The following PRDM8 variants were observed in gnomAD, a reference collection of about 807,000 sequenced individuals.
The protein encoded by PRDM8 is PR/SET domain 8.
PRDM8 carries 13 observed loss-of-function variants against 46.5 expected under a neutral mutation model. That is an observed-to-expected ratio of 0.28 (90% CI 0.18 to 0.44). PRDM8 has a LOEUF of 0.44. Among genes scored for constraint, PRDM8 ranks in the 20% least tolerant of loss-of-function variants. The pLI is 1.00. For missense variants in PRDM8, 998 were observed against 955.0 expected, an observed-to-expected ratio of 1.04 and a Z score of -0.59; for synonymous variants, 473 against 438.4, an observed-to-expected ratio of 1.08 and a Z score of -0.98.
At chr4:80,191,098 AC>A (rs1196244092) in intron 1 of PRDM8, among the ~76,000 whole-genome samples, 2 of 152,180 alleles carry the variant, frequency 1.3e-5, no homozygotes, top group African/African-American at 4.8e-5. Flanking sequence ...TCTCAAAACC[AC>A]CCTACATGAA....
chr4:80,198,857 T>C (rs11099077), intron 1 of PRDM8, among the ~76,000 whole-genome samples: 41,472 of 151,954 alleles, frequency 0.27, 6,224 homozygotes, highest in East Asian at 0.62. Context: ...ACATAAATAA[T>C]TGCCAACAGT....
chr4:80,203,170 C>T lies in PRDM8; in HGVS notation c.1708C>T (p.Pro570Ser). ...CCTGCCGAGCGGCGGCGGCGGCCTG[C>T]CTAAGCAGAGCCCCTTCCTGTACGC... is the stretch of plus-strand genomic sequence containing the variant. ...GSLPSGGGGL[P>S]KQSPFLYATA... Residue 570 changes from proline (P) to serine (S), a missense_variant, in exon 4 of 4, where the codon CCT becomes TCT. Transcript: ENST00000415738. 6.5e-7 allele frequency: 1 copy of T among 1,547,060 alleles called. No homozygotes were observed. Among genetic ancestry groups the T allele is most frequent in the South Asian group, 1.2e-5 (1 of 85,020 alleles).
Position 80,202,258 on chromosome 4 carries a change from A to C in PRDM8, c.796A>C (p.Arg266=). 1.9e-6 allele frequency: 3 copies of C among 1,610,774 alleles called. No individual in the cohort carries two copies. The highest frequency in any genetic ancestry group is 2.5e-6 in the Non-Finnish European group (3 of 1,179,352). Residue 266 remains arginine (R), a synonymous_variant, in exon 4 of 4, where the codon AGG becomes CGG. Transcript: ENST00000415738. ...KPSTDFHNLA[R]ELENSRGGSS... ...ATCCACAGACTTCCACAACCTGGCCAGGGAGCTGGAAAACTCCCGGGGAGG... is the reference window on the plus strand; with the variant it reads ...ATCCACAGACTTCCACAACCTGGCCCGGGAGCTGGAAAACTCCCGGGGAGG...
chr4:80,203,593 A>C lies in PRDM8; in HGVS notation c.*61A>C. On this transcript the variant is annotated 3_prime_UTR_variant, in exon 4 of 4. Transcript: ENST00000415738. ...GCACAGTTAAGCCACCTGCAGGAAT[A>C]AACACGCGAGAACATCCACCGCTTC... is the stretch of plus-strand genomic sequence containing the variant. The C allele has an allele frequency of 1.3e-6, 2 of 1,513,254 alleles. No homozygotes were observed. Among genetic ancestry groups the C allele is most frequent in the Non-Finnish European group, 1.8e-6 (2 of 1,127,570 alleles). The allele number at this position is 1,513,254 out of a possible 1,614,324, so 93.7% of individuals were successfully genotyped here.
intron 2 of PRDM8, among the ~76,000 whole-genome samples, 192 bp downstream of exon 2, chr4:80,200,491 G>A (rs986906673): frequency 1.3e-5 from 2 of 152,148 alleles, no homozygotes; most frequent in African/African-American, 4.8e-5. Context: ...TGATTTTTTG[G>A]AATAAATGAC....
Position 80,197,613 on chromosome 4 carries a change from T to G in PRDM8, c.-153T>G. On this transcript the variant is annotated 5_prime_UTR_variant, in exon 1 of 4. Coordinates refer to ENST00000415738, the MANE Select transcript of PRDM8 (RefSeq NM_001099403.2). The stretch of plus-strand genomic sequence containing the variant: ...TTCTCCCCATCTCTCCATCTCTCTC[T>G]TATCTCTTCAGGAAGAGCCTAAAAG... The G allele has an allele frequency of 2.1e-6, 2 of 970,722 alleles. No homozygotes were observed. Among genetic ancestry groups the G allele is most frequent in the Non-Finnish European group, 2.4e-6 (2 of 820,632 alleles). The allele number at this position is 970,722 out of a possible 1,614,324, so 60.1% of individuals were successfully genotyped here. A position where few individuals can be genotyped will look rare whatever the true frequency, so the allele number is the denominator to read the frequency against.
At chr4:80,188,698 T>C (rs2109862820) in intron 1 of PRDM8, among the ~76,000 whole-genome samples, 1 of 152,284 alleles carries the variant, frequency 6.6e-6, no homozygotes, top group Admixed American at 6.5e-5. Flanking sequence ...TGATCCCCAG[T>C]CCTAGCCTGG....
chr4:80,196,828 C>T (rs1027666249), upstream of PRDM8: 58 of 886,180 alleles, frequency 6.5e-5, no homozygotes, highest in Non-Finnish European at 6.1e-5. Flanking sequence ...CCCACGTACC[C>T]GTGTCCTGGG....
intron 1 of PRDM8, among the ~76,000 whole-genome samples, chr4:80,187,354 C>A (rs1174570375): frequency 1.3e-5 from 2 of 150,768 alleles, no homozygotes; most frequent in Admixed American, 1.3e-4. Flanking sequence ...ATTTTATTAT[C>A]TATGAAGAAC....
At chr4:80,186,243 A>C (rs144432324) in intron 1 of PRDM8, among the ~76,000 whole-genome samples, 15 of 152,008 alleles carry the variant, frequency 9.9e-5, no homozygotes, top group African/African-American at 3.6e-4. Context: ...AGGCCTCCCT[A>C]CTAGCGGGTA....
chr4:80,188,745 G>C (rs1379325416), intron 1 of PRDM8, among the ~76,000 whole-genome samples: 1 of 152,218 alleles, frequency 6.6e-6, no homozygotes, highest in African/African-American at 2.4e-5. Flanking sequence ...GGTGCGCGTG[G>C]GGAAAACGTA....
chr4:80,195,928 CAG>C (rs1553904276), upstream of PRDM8: 3,036 of 139,990 alleles, frequency 0.022, 28 homozygotes, highest in African/African-American at 0.034. Context: ...CACACACACA[CAG>C]AGAGAGAGAG....
In PRDM8 at chr4:80,197,778, A is replaced by G. The variant is rs901437845; in HGVS notation, c.-3+15A>G. ...CCTTATTCCTGGTAAGTCTATTTGC[A>G]TTGATGTGGGAGGGGGATGGGAGGA... On this transcript the variant is annotated intron_variant, in intron 1 of 3. Transcript: ENST00000415738. The G allele has an allele frequency of 4.1e-6, 4 of 985,300 alleles. No homozygotes were observed. Among genetic ancestry groups the G allele is most frequent in the Non-Finnish European group, 4.8e-6 (4 of 829,484 alleles). The allele number at this position is 985,300 out of a possible 1,614,324, so 61.0% of individuals were successfully genotyped here.
intron 1 of PRDM8, among the ~76,000 whole-genome samples, chr4:80,198,977 T>C (rs6836643): frequency 3.1e-5 from 4 of 127,148 alleles, no homozygotes; most frequent in African/African-American, 1.2e-4. Flanking sequence ...TGGGTTTTTT[T>C]GGGTTTTTTT....
rs377684484 is a variant in PRDM8, at chr4:80,202,017, T to C, written c.555T>C (p.Ala185=). The part of the protein sequence containing the change: ...RFRCPKRLHS[A]DISPQDEQGG... ...GCTGCCCCAAGAGACTTCACAGCGC[T>C]GATATAAGTCCCCAAGACGAACAAG... Residue 185 remains alanine, a synonymous_variant, in exon 4 of 4, where the codon GCT becomes GCC. Transcript: ENST00000415738. The C allele has an allele frequency of 1.9e-6, 3 of 1,614,078 alleles. No homozygotes were observed. The South Asian group carries it at 3.3e-5, about 18-fold the overall frequency.
rs1553905669 is a variant in PRDM8 at position 80,202,149 on chromosome 4, A to C, written c.687A>C (p.Lys229Asn). 6.2e-7 allele frequency: 1 copy of C among 1,607,688 alleles called. No homozygotes were observed. ...APLGPGPKFC[K>N]AGPLHHYPSP... ...TAGGCCCGGGTCCCAAGTTTTGCAA[A>C]GCCGGCCCCCTCCACCACTACCCAT... Residue 229 changes from lysine to asparagine, a missense_variant, in exon 4 of 4, where the codon AAA becomes AAC. Coordinates refer to ENST00000415738, the MANE Select transcript of PRDM8 (RefSeq NM_001099403.2).
intron 3 of PRDM8, 116 bp downstream of exon 3, chr4:80,201,637 G>T: frequency 1.8e-6 from 2 of 1,096,352 alleles, no homozygotes; most frequent in South Asian, 1.5e-5. Context: ...GTGTCTCATA[G>T]GAAGATTCTG....
In PRDM8 at chr4:80,201,276, A is replaced by G. The variant is rs764340450; in HGVS notation, c.220-14A>G. The G allele has an allele frequency of 6.2e-6, 10 of 1,612,408 alleles. No individual in the cohort carries two copies. Among genetic ancestry groups the G allele is most frequent in the Non-Finnish European group, 1.7e-6 (2 of 1,178,682 alleles). On this transcript the variant is annotated splice_polypyrimidine_tract_variant and intron_variant, in intron 2 of 3. Coordinates refer to ENST00000415738, the MANE Select transcript of PRDM8 (RefSeq NM_001099403.2). ...CTCTCCTTCTTGTCTTCTTTCATTT[A>G]TTTCAAACCGCAGGTAGACACCTCA... is the stretch of plus-strand genomic sequence containing the variant.
chr4:80,203,420 C>T lies in PRDM8; in HGVS notation c.1958C>T (p.Ala653Val), dbSNP rs747073173. 2.5e-6 allele frequency: 4 copies of T among 1,613,552 alleles called. No homozygotes were observed. The highest frequency in any genetic ancestry group is 1.7e-5 in the Admixed American group (1 of 59,982). Residue 653 changes from alanine (A) to valine (V), a missense_variant, in exon 4 of 4, where the codon GCG becomes GTG. Physicochemically the swap from Ala to Val is moderately conservative, Grantham distance 64. Coordinates refer to ENST00000415738, the MANE Select transcript of PRDM8 (RefSeq NM_001099403.2). ...AGGTCGCACCACAAAAAGGAGTATGCGATGGAGCCCTTGGTGAAGCGGCGG... is the reference window on the plus strand; with the variant it reads ...AGGTCGCACCACAAAAAGGAGTATGTGATGGAGCCCTTGGTGAAGCGGCGG... Reference protein sequence around the residue: ...HMRSHHKKEYAMEPLVKRRRE... With the variant: ...HMRSHHKKEYVMEPLVKRRRE...
Sources: gnomAD v4.1 joint callset for allele counts (sites outside exome capture counted in the v4.1 genomes callset) on GRCh38, gnomAD v4.1.1 for gene constraint, MANE v1.5 for transcripts, NCBI Gene and HGNC (gene_info 2026-07-23, HGNC 2026-07-21) for gene names.